DPY19L2: variants seen among roughly 807,000 people sequenced by gnomAD.
DPY19L2 encodes the protein dpy-19 like 2, also known as probable C-mannosyltransferase DPY19L2.
In DPY19L2, 34 loss-of-function variants were observed where a neutral mutation model predicts 97.9. The ratio of observed to expected loss-of-function variants is 0.35; its 90% CI spans 0.26 to 0.46. DPY19L2 has a LOEUF of 0.46. Ranked by LOEUF, DPY19L2 falls within the 20% of genes least tolerant of loss-of-function variation. The probability of loss-of-function intolerance (pLI) is 1.00; values close to 1 mark genes in which losing one functional copy is unlikely to be tolerated. For synonymous variants in DPY19L2, 230 were observed against 307.9 expected (o/e 0.75, Z 2.65); for missense variants, 623 against 911.4 (o/e 0.68, Z 4.07).
At chr12:63,649,179 C>T (rs903452560) in intron 4 of DPY19L2, among the ~76,000 whole-genome samples, 5 of 152,032 alleles carry the variant, frequency 3.3e-5, no homozygotes, top group African/African-American at 1.2e-4. Context: ...ACAGCTAAAG[C>T]AGTGTTAAGA....
chr12:63,625,230 T>C (rs1047261989), intron 7 of DPY19L2, among the ~76,000 whole-genome samples: 2 of 151,948 alleles, frequency 1.3e-5, no homozygotes, highest in African/African-American at 4.8e-5. Context: ...ACTCCATCTC[T>C]ACTAAAAATA....
At chr12:63,623,977 G>A (rs1396538565) in intron 8 of DPY19L2, 63 bp downstream of exon 8, 64 of 1,315,668 alleles carry the variant, frequency 4.9e-5, no homozygotes, top group Non-Finnish European at 6.5e-5. Context: ...GTGCTGAATT[G>A]AAGTATATTT....
Position 63,566,905 on chromosome 12 carries a change from G to A in DPY19L2, c.2126+2319C>T, listed in dbSNP as rs527687238. Reference sequence around the variant, plus strand: ...TACTTGTACATATTTATGGAGTATAGAGTGATATTTCAATGCATAATTACA... The same window carrying A: ...TACTTGTACATATTTATGGAGTATAAAGTGATATTTCAATGCATAATTACA... On this transcript the variant is annotated intron_variant, in intron 21 of 21. Transcript: ENST00000324472. Among the ~76,000 whole-genome samples, 19 of 152,116 alleles carry A rather than the reference G, an allele frequency of 1.2e-4. No homozygotes were observed. In the South Asian group the frequency reaches 2.1e-3, roughly 17 times the overall value.
At chr12:63,616,291 G>C (rs530873885) in intron 11 of DPY19L2, among the ~76,000 whole-genome samples, 2 of 152,248 alleles carry the variant, frequency 1.3e-5, no homozygotes, top group Admixed American at 1.3e-4. Context: ...CATTAAAAGA[G>C]GTAGATGAGC....
At position 63,595,261 on chromosome 12, in the gene DPY19L2, A is replaced by T. The variant is rs1884011322; in HGVS notation, c.1533+705T>A. On this transcript the variant is annotated intron_variant, in intron 15 of 21. Transcript: ENST00000324472. ...ATTATCTGCTTAAAAGTATACAATA[A>T]ATACATACTGGCTTAAGACTTGATA... Among the ~76,000 whole-genome samples, 3 of 152,154 alleles carry T rather than the reference A, an allele frequency of 2.0e-5. No homozygotes were observed. In the South Asian group the frequency reaches 6.2e-4, roughly 32 times the overall value.
intron 2 of DPY19L2, among the ~76,000 whole-genome samples, chr12:63,664,248 A>T (rs1592780364): frequency 6.6e-6 from 1 of 152,140 alleles, no homozygotes; most frequent in East Asian, 1.9e-4. Flanking sequence ...GAGGCAGGAG[A>T]ATTGCTTGAA....
chr12:63,600,462 G>A, intron 12 of DPY19L2, 76 bp from the exon 13 acceptor site: 4 of 1,248,356 alleles, frequency 3.2e-6, no homozygotes, highest in Non-Finnish European at 4.6e-6. Context: ...GTCTACAAAT[G>A]ACATAGAAAA....
At chr12:63,657,735 G>A (rs1011641743) in intron 4 of DPY19L2, among the ~76,000 whole-genome samples, 2 of 152,032 alleles carry the variant, frequency 1.3e-5, no homozygotes, top group African/African-American at 4.8e-5. Flanking sequence ...CTGTCCCCTA[G>A]CCAGCACCAT....
chr12:63,650,991 C>T (rs1312180206), intron 4 of DPY19L2, among the ~76,000 whole-genome samples: 2 of 152,066 alleles, frequency 1.3e-5, no homozygotes, highest in Non-Finnish European at 2.9e-5. Context: ...TCATAGTACC[C>T]AACTTCAAAC....
chr12:63,619,301 G>A (rs1888313924), intron 9 of DPY19L2, among the ~76,000 whole-genome samples: 2 of 152,132 alleles, frequency 1.3e-5, no homozygotes, highest in South Asian at 2.1e-4. Context: ...TTAGCCAGAT[G>A]TGGTTGCACA....
At chr12:63,595,217 G>A (rs1884005616) in intron 15 of DPY19L2, among the ~76,000 whole-genome samples, 1 of 152,164 alleles carries the variant, frequency 6.6e-6, no homozygotes, top group South Asian at 2.1e-4. Flanking sequence ...TGGTATGGTG[G>A]TAGGGAAACT....
At chr12:63,591,252 G>A (rs1482061754) in intron 16 of DPY19L2, 3 of 265,596 alleles carry the variant, frequency 1.1e-5, no homozygotes. Flanking sequence ...ATACAAGCAT[G>A]GAGTATGGAG....
intron 19 of DPY19L2, among the ~76,000 whole-genome samples, chr12:63,577,948 A>AC (rs1419562372): frequency 6.6e-6 from 1 of 152,050 alleles, no homozygotes; most frequent in Non-Finnish European, 1.5e-5. Flanking sequence ...TTAGATATAT[A>AC]CCCCAAAGAA....
At chr12:63,627,335 G>T (rs1439445272) in intron 6 of DPY19L2, among the ~76,000 whole-genome samples, 1 of 151,986 alleles carries the variant, frequency 6.6e-6, no homozygotes, top group Non-Finnish European at 1.5e-5. Context: ...TTCTTTTGTT[G>T]TTGTTATTGT....
intron 8 of DPY19L2, among the ~76,000 whole-genome samples, chr12:63,622,959 G>A (rs150851421): frequency 0.013 from 2,045 of 152,108 alleles, 24 homozygotes; most frequent in Non-Finnish European, 0.021. Context: ...ATGTGTAGAC[G>A]ATTCATAAAT....
intron 4 of DPY19L2, among the ~76,000 whole-genome samples, chr12:63,658,339 A>G (rs1182953901): frequency 6.6e-6 from 1 of 152,048 alleles, no homozygotes; most frequent in Non-Finnish European, 1.5e-5. Flanking sequence ...TACTAAAAAT[A>G]TAAAAATTAG....
At chr12:63,647,624 T>C (rs900861574) in intron 4 of DPY19L2, among the ~76,000 whole-genome samples, 1 of 152,144 alleles carries the variant, frequency 6.6e-6, no homozygotes, top group Non-Finnish European at 1.5e-5. Flanking sequence ...AACACATTTT[T>C]TGTTGACTTT....
rs1252372 is a variant in DPY19L2, at chr12:63,633,491, C to A, written c.804-6965G>T. Among the ~76,000 whole-genome samples the A allele has an allele frequency of 4.6e-5, 7 of 152,172 alleles. No individual in the cohort carries two copies. The South Asian group carries it at 6.2e-4, about 14-fold the overall frequency. ...CTCATCATCACTGGCCATCAGAGAA[C>A]TGCAAATGAAAACCACAATGAGATA... On this transcript the variant is annotated intron_variant, in intron 6 of 21. Coordinates refer to ENST00000324472, the MANE Select transcript of DPY19L2 (RefSeq NM_173812.5).
chr12:63,600,788 T>G (rs1474581590), intron 12 of DPY19L2, among the ~76,000 whole-genome samples: 2 of 22,900 alleles, frequency 8.7e-5, no homozygotes, highest in Non-Finnish European at 1.6e-4. Context: ...CTAAAGGAAG[T>G]TTTTTTTTTT....
Sources: allele counts gnomAD v4.1 joint callset (sites outside exome capture counted in the v4.1 genomes callset), GRCh38; gene constraint gnomAD v4.1.1; transcripts MANE v1.5; gene names NCBI Gene and HGNC (gene_info 2026-07-23, HGNC 2026-07-21).